The following RAPGEF6 variants were observed in gnomAD, a reference collection of about 807,000 sequenced individuals.
RAPGEF6 encodes the protein PDZ domain containing guanine nucleotide exchange factor (GEF) 2.
Under a neutral mutation model 171.4 loss-of-function variants are expected in RAPGEF6, and 56 were observed. The ratio of observed to expected loss-of-function variants is 0.33; its 90% CI spans 0.26 to 0.41. The LOEUF (loss-of-function observed/expected upper bound fraction) is 0.41, where lower values mean the gene tolerates loss of function less well. Among genes scored for constraint, RAPGEF6 ranks in the 10% least tolerant of loss-of-function variants. The pLI is 1.00. For synonymous variants in RAPGEF6, 692 were observed against 650.1 expected, an observed-to-expected ratio of 1.06 and a Z score of -0.98; for missense variants, 1,674 against 1,921.4, an observed-to-expected ratio of 0.87 and a Z score of 2.41.
Position 131,430,813 on chromosome 5 carries a change from G to T in RAPGEF6, c.4465+46C>A. ...CCAAGATATCCCAATGCCATTTTTT[G>T]ACTACTTAATCTCTAAATGCCACAG... is the stretch of plus-strand genomic sequence containing the variant. On this transcript the variant is annotated intron_variant, in intron 26 of 27. Coordinates refer to ENST00000509018, the MANE Select transcript of RAPGEF6 (RefSeq NM_016340.6). 2.5e-6 allele frequency: 4 copies of T among 1,578,920 alleles called. No homozygotes were observed. The South Asian group carries it at 3.6e-5, about 14-fold the overall frequency.
intron 4 of RAPGEF6, among the ~76,000 whole-genome samples, chr5:131,571,797 C>T (rs1236550512): frequency 6.6e-6 from 1 of 152,154 alleles, no homozygotes; most frequent in Admixed American, 6.5e-5. Context: ...AGGATCCATA[C>T]TGGTAAGTCC....
intron 23 of RAPGEF6, among the ~76,000 whole-genome samples, chr5:131,440,689 G>C (rs1259696757): frequency 7.8e-6 from 1 of 127,446 alleles, no homozygotes; most frequent in Non-Finnish European, 1.5e-5. Flanking sequence ...AGTGAGCCAA[G>C]ATCGCACCAC....
At position 131,426,715 on chromosome 5, in the gene RAPGEF6, T is replaced by TAGCAA; in HGVS notation, c.*550_*551insTTGCT. On this transcript the variant is annotated 3_prime_UTR_variant, in exon 28 of 28. Transcript: ENST00000509018. ...GTGTAGATCAAGCATATCACCTCTG[T>TAGCAA]AAAGATGACTTCTGTTTGGTCAGAC... 1 of 144,034 alleles carries TAGCAA rather than the reference T, an allele frequency of 6.9e-6. No individual in the cohort carries two copies. The highest frequency in any genetic ancestry group is 7.0e-5 in the Admixed American group (1 of 14,226). 8.9% of individuals were successfully genotyped at this position (144,034 alleles called of 1,614,324 possible). A position where few individuals can be genotyped will look rare whatever the true frequency, so the allele number is the denominator to read the frequency against.
At chr5:131,608,411 A>T (rs1279594319) in intron 1 of RAPGEF6, among the ~76,000 whole-genome samples, 1 of 152,204 alleles carries the variant, frequency 6.6e-6, no homozygotes, top group African/African-American at 2.4e-5. Flanking sequence ...GCAGTCTCAG[A>T]TCTGTTCTAT....
chr5:131,606,055 A>AAAAAAAG (rs1764553795), intron 1 of RAPGEF6, among the ~76,000 whole-genome samples: 2 of 126,546 alleles, frequency 1.6e-5, no homozygotes, highest in African/African-American at 8.6e-5. Flanking sequence ...AAAAAAAAAG[A>AAAAAAAG]AAAAGAAAAG....
chr5:131,594,869 A>G lies in RAPGEF6; in HGVS notation c.198-2403T>C, dbSNP rs1763801896. Among the ~76,000 whole-genome samples, 3 of 151,782 alleles carry G rather than the reference A, an allele frequency of 2.0e-5. No individual in the cohort carries two copies. The South Asian group carries it at 6.2e-4, about 32-fold the overall frequency. ...GCCAATTTCTACCATTTGGAACAGGAGCATTTACCCCATGCCTGTATCTCC... is the reference window on the plus strand; with the variant it reads ...GCCAATTTCTACCATTTGGAACAGGGGCATTTACCCCATGCCTGTATCTCC... On this transcript the variant is annotated intron_variant, in intron 3 of 27. Transcript: ENST00000509018.
intron 22 of RAPGEF6, among the ~76,000 whole-genome samples, chr5:131,445,399 T>C (rs1752617687): frequency 1.3e-5 from 2 of 152,124 alleles, no homozygotes; most frequent in African/African-American, 2.4e-5. Context: ...TTATCAATCT[T>C]AGGGTCAATC....
intron 1 of RAPGEF6, among the ~76,000 whole-genome samples, chr5:131,607,135 A>G (rs1279185584): frequency 6.6e-6 from 1 of 152,210 alleles, no homozygotes; most frequent in African/African-American, 2.4e-5. Context: ...CCTGTGTGGT[A>G]AAAGCCGTCA....
intron 17 of RAPGEF6, among the ~76,000 whole-genome samples, chr5:131,469,572 G>T (rs917599626): frequency 3.3e-5 from 5 of 151,874 alleles, no homozygotes; most frequent in African/African-American, 1.2e-4. Flanking sequence ...GAACATTTCA[G>T]AAGTTACAGA....
intron 1 of RAPGEF6, among the ~76,000 whole-genome samples, chr5:131,617,228 T>C (rs1164759928): frequency 6.6e-6 from 1 of 152,074 alleles, no homozygotes; most frequent in Non-Finnish European, 1.5e-5. Flanking sequence ...AGGGATCACT[T>C]GAGCCCAGAA....
chr5:131,548,452 C>G (rs889647950), intron 5 of RAPGEF6, among the ~76,000 whole-genome samples: 1 of 152,168 alleles, frequency 6.6e-6, no homozygotes, highest in Non-Finnish European at 1.5e-5. Context: ...AAGTCACTTA[C>G]CAGAAATGAA....
At chr5:131,476,831 C>T (rs1755131721) in intron 16 of RAPGEF6, among the ~76,000 whole-genome samples, 1 of 152,154 alleles carries the variant, frequency 6.6e-6, no homozygotes, top group Admixed American at 6.5e-5. Flanking sequence ...CGTGCCCAGC[C>T]AGAATTTTGC....
In RAPGEF6 at chr5:131,508,112, C is replaced by T. The variant is rs1477480683; in HGVS notation, c.901G>A (p.Val301Ile). 6.2e-7 allele frequency: 1 copy of T among 1,613,170 alleles called. No individual in the cohort carries two copies. Among genetic ancestry groups the T allele is most frequent in the Admixed American group, 1.7e-5 (1 of 59,878 alleles). The change falls in exon 9 of 28, where the codon GTA (valine) becomes ATA (isoleucine). Residue 301 changes from valine to isoleucine, a missense_variant. Val to Ile is a conservative substitution (Grantham distance 29, BLOSUM62 3). Around this residue, in one of 3 missense-constraint regions of RAPGEF6, gnomAD observed 1,116 missense variants for 1,321.5 expected, o/e 0.84. Coordinates refer to ENST00000509018, the MANE Select transcript of RAPGEF6 (RefSeq NM_016340.6). ...ELCSVMIFEV[V>I]EQAGAIILED... is the part of the protein sequence containing the mutation. ...AGAATAATAGCTCCAGCCTGCTCTA[C>T]CACTTCAAAAATCATCACTGAGCAG... is the stretch of plus-strand genomic sequence containing the variant.
At chr5:131,596,562 T>C (rs1763917377) in intron 3 of RAPGEF6, among the ~76,000 whole-genome samples, 2 of 151,906 alleles carry the variant, frequency 1.3e-5, no homozygotes, top group Non-Finnish European at 2.9e-5. Flanking sequence ...ACAAAGCTAC[T>C]GCAACCAAAA....
rs199885585 is a variant in RAPGEF6 at position 131,603,248 on chromosome 5, A to T, written c.197+23T>A. ...ATTTAAACATAAAAGTCATTAGTTTATGTGAATTATGGAAATACTTACCAA... is the reference window on the plus strand; with the variant it reads ...ATTTAAACATAAAAGTCATTAGTTTTTGTGAATTATGGAAATACTTACCAA... On this transcript the variant is annotated intron_variant, in intron 3 of 27. Transcript: ENST00000509018. The T allele has an allele frequency of 1.9e-4, 290 of 1,531,128 alleles. 1 individual carries two copies. In the Middle Eastern group the frequency reaches 3.6e-3, roughly 19 times the overall value. 94.8% of individuals were successfully genotyped at this position (1,531,128 alleles called of 1,614,324 possible).
intron 6 of RAPGEF6, among the ~76,000 whole-genome samples, chr5:131,547,098 G>A (rs1040734422): frequency 6.6e-6 from 1 of 152,118 alleles, no homozygotes; most frequent in African/African-American, 2.4e-5. Flanking sequence ...TTCTTGTATT[G>A]AATCAATGCA....
At chr5:131,585,084 T>C (rs147579354) in intron 4 of RAPGEF6, among the ~76,000 whole-genome samples, 28 of 152,198 alleles carry the variant, frequency 1.8e-4, no homozygotes, top group African/African-American at 6.7e-4. Context: ...ATCAAAAACA[T>C]GAAAATTAAA....
At chr5:131,489,711 A>G in intron 14 of RAPGEF6, 57 bp from the exon 15 acceptor site, 1 of 919,856 alleles carries the variant, frequency 1.1e-6, no homozygotes, top group Non-Finnish European at 1.6e-6. Flanking sequence ...TACTCCTACA[A>G]CCTTAAAAGT....
chr5:131,454,604 A>G (rs1296842860), intron 20 of RAPGEF6, among the ~76,000 whole-genome samples: 1 of 152,196 alleles, frequency 6.6e-6, no homozygotes, highest in Non-Finnish European at 1.5e-5. Flanking sequence ...AACAAAAATA[A>G]TAACTGGAAT....
Sources: gnomAD v4.1 joint callset for allele counts (sites outside exome capture counted in the v4.1 genomes callset) on GRCh38, gnomAD v4.1.1 for gene constraint, gnomAD v4.1.1 regional missense constraint, MANE v1.5 for transcripts, NCBI Gene and HGNC (gene_info 2026-07-23, HGNC 2026-07-21) for gene names.